The following COG4 variants were observed in gnomAD, a reference collection of about 807,000 sequenced individuals.
The protein encoded by COG4 is conserved oligomeric Golgi complex subunit 4.
Under a neutral mutation model 95.1 loss-of-function variants are expected in COG4, and 65 were observed. That is an observed-to-expected ratio of 0.68 (90% confidence interval 0.56 to 0.84). COG4 has a LOEUF of 0.84. COG4 is among the 40% of genes least tolerant of loss of function. COG4 has a pLI of 0.00. For synonymous variants in COG4, 421 were observed against 374.8 expected, an observed-to-expected ratio of 1.12 and a Z score of -1.42; for missense variants, 1,045 against 989.1, an observed-to-expected ratio of 1.06 and a Z score of -0.76.
In COG4 at chr16:70,482,453, G is replaced by A. The variant is rs2049018334; in HGVS notation, c.1920+276C>T. 15 of 607,038 alleles carry A rather than the reference G, an allele frequency of 2.5e-5. No individual in the cohort carries two copies. The South Asian group carries it at 3.0e-4, about 12-fold the overall frequency. The allele number at this position is 607,038 out of a possible 1,614,324, so 37.6% of individuals were successfully genotyped here. ...CTACAGGAATGAAATCACTACGCCA[G>A]GAGGAAAAAAACGCTTCTAAGTCTA... On this transcript the variant is annotated intron_variant, in intron 15 of 18. Coordinates refer to ENST00000323786, the MANE Select transcript of COG4 (RefSeq NM_015386.3).
intron 8 of COG4, among the ~76,000 whole-genome samples, chr16:70,504,083 C>T (rs992744040): frequency 6.6e-6 from 1 of 152,238 alleles, no homozygotes; most frequent in East Asian, 1.9e-4. Context: ...CCGCCATTTT[C>T]TAGCTGCATG....
At chr16:70,484,036 G>C (rs975976801) in intron 13 of COG4, 67 bp from the exon 14 acceptor site, 1 of 1,164,454 alleles carries the variant, frequency 8.6e-7, no homozygotes, top group Non-Finnish European at 1.3e-6. Context: ...GGAGCCACCA[G>C]CCAGTTCTAC....
chr16:70,484,599 T>A (rs2049089251), intron 13 of COG4, among the ~76,000 whole-genome samples: 1 of 152,242 alleles, frequency 6.6e-6, no homozygotes, highest in Non-Finnish European at 1.5e-5. Context: ...TCTAAGCATT[T>A]CACTTTTATT....
chr16:70,492,898 G>A (rs2049273413), intron 12 of COG4, among the ~76,000 whole-genome samples: 1 of 152,090 alleles, frequency 6.6e-6, no homozygotes, highest in Non-Finnish European at 1.5e-5. Context: ...ATGAGGCGGA[G>A]GTTGCAGTGA....
intron 3 of COG4, among the ~76,000 whole-genome samples, chr16:70,515,095 A>G (rs886167344): frequency 1.3e-5 from 2 of 150,194 alleles, no homozygotes; most frequent in South Asian, 2.1e-4. Flanking sequence ...GGCTCACTGC[A>G]ACCTCTGCCT....
intron 13 of COG4, among the ~76,000 whole-genome samples, chr16:70,487,217 A>C (rs1243914706): frequency 6.6e-6 from 1 of 151,670 alleles, no homozygotes; most frequent in African/African-American, 2.4e-5. Context: ...CAGAGGTTGC[A>C]GTGAGCCAAG....
chr16:70,486,184 C>T (rs1045637148), intron 13 of COG4, among the ~76,000 whole-genome samples: 8 of 152,246 alleles, frequency 5.3e-5, no homozygotes, highest in South Asian at 2.1e-4. Context: ...CGTGAGCCAC[C>T]GCGCCCAGCC....
At chr16:70,496,526 G>A in intron 11 of COG4, 95 bp from the exon 12 acceptor site, 1 of 1,299,300 alleles carries the variant, frequency 7.7e-7, no homozygotes, top group Non-Finnish European at 1.1e-6. Context: ...AGCAGCACAA[G>A]GTGCTCTTTT....
At chr16:70,488,579 C>G (rs1402420375) in intron 13 of COG4, among the ~76,000 whole-genome samples, 1 of 151,416 alleles carries the variant, frequency 6.6e-6, no homozygotes, top group Admixed American at 6.6e-5. Flanking sequence ...TGGAGTTTCG[C>G]TCTTGTTGCC....
In COG4 at chr16:70,510,001, C is replaced by T. The variant is rs760671753; in HGVS notation, c.759G>A (p.Glu253=). The change falls in exon 6 of 19, where the codon GAG becomes GAA. Residue 253 remains glutamate (E), a synonymous_variant. Transcript: ENST00000323786. ...CTGTCCCCAGCACCATGAGCAGATTCTCCTCAGCTTTACTGGCCACCTAAA... is the reference window on the plus strand; with the variant it reads ...CTGTCCCCAGCACCATGAGCAGATTTTCCTCAGCTTTACTGGCCACCTAAA... ...LCKQVASKAE[E]NLLMVLGTDM... is the part of the protein sequence containing the mutation. The T allele has an allele frequency of 1.9e-6, 3 of 1,614,066 alleles. No individual in the cohort carries two copies. Among genetic ancestry groups the T allele is most frequent in the Non-Finnish European group, 2.5e-6 (3 of 1,179,952 alleles).
intron 1 of COG4, among the ~76,000 whole-genome samples, chr16:70,520,401 G>A (rs1304647134): frequency 9.2e-6 from 1 of 109,202 alleles, no homozygotes; most frequent in African/African-American, 3.3e-5. Context: ...GGAGCTTGCA[G>A]TGAGCCGAGA....
chr16:70,510,008 G>A lies in COG4; in HGVS notation c.752C>T (p.Ala251Val). The A allele has an allele frequency of 6.2e-7, 1 of 1,613,766 alleles. No homozygotes were observed. The highest frequency in any genetic ancestry group is 8.5e-7 in the Non-Finnish European group (1 of 1,179,726). The part of the protein sequence containing the change: ...EYLCKQVASK[A>V]EENLLMVLGT... ...CAGCACCATGAGCAGATTCTCCTCA[G>A]CTTTACTGGCCACCTAAAAAAGGAG... The change falls in exon 6 of 19, where the codon GCT becomes GTT. Residue 251 changes from alanine (A) to valine (V), a missense_variant. Physicochemically the swap from Ala to Val is moderately conservative, Grantham distance 64. Transcript: ENST00000323786.
At chr16:70,482,431 C>A (rs145189345) in intron 15 of COG4, 2 of 613,746 alleles carry the variant, frequency 3.3e-6, no homozygotes, top group African/African-American at 1.8e-5. Context: ...TCTTGTTCTA[C>A]AGGAATGAAA....
At chr16:70,489,529 TAA>T (rs58900941) in intron 13 of COG4, among the ~76,000 whole-genome samples, 11 of 142,468 alleles carry the variant, frequency 7.7e-5, no homozygotes, top group East Asian at 6.0e-4. Flanking sequence ...GATCCTGATT[TAA>T]AAAAAAAAAA....
intron 8 of COG4, among the ~76,000 whole-genome samples, 197 bp downstream of exon 8, chr16:70,508,209 G>A (rs1012119692): frequency 2.6e-5 from 4 of 152,106 alleles, no homozygotes; most frequent in South Asian, 2.1e-4. Flanking sequence ...GTGAGCCACC[G>A]CGCCCGGCTG....
chr16:70,493,675 G>A (rs1037137366), intron 12 of COG4, among the ~76,000 whole-genome samples: 4 of 152,180 alleles, frequency 2.6e-5, no homozygotes, highest in African/African-American at 2.4e-5. Flanking sequence ...GTAGAGCTGC[G>A]AGGGGCAGAG....
intron 1 of COG4, 73 bp from the exon 2 acceptor site, chr16:70,519,804 T>G: frequency 9.2e-7 from 1 of 1,092,482 alleles, no homozygotes; most frequent in Admixed American, 1.8e-5. Context: ...TCCAATCACT[T>G]AGCTGAAGGG....
chr16:70,501,168 C>A, intron 8 of COG4, 77 bp from the exon 9 acceptor site: 1 of 1,518,996 alleles, frequency 6.6e-7, no homozygotes, highest in East Asian at 2.2e-5. Flanking sequence ...AAAGAGAGTC[C>A]CAAATTCCCC....
At chr16:70,515,707 T>TC (rs201349619) in intron 3 of COG4, among the ~76,000 whole-genome samples, 17,953 of 151,674 alleles carry the variant, frequency 0.12, 3,514 homozygotes, top group African/African-American at 0.41. Context: ...AATCAATCAA[T>TC]AAATAAATAA....
Sources: allele counts gnomAD v4.1 joint callset (sites outside exome capture counted in the v4.1 genomes callset), GRCh38; gene constraint gnomAD v4.1.1; transcripts MANE v1.5; gene names NCBI Gene and HGNC (gene_info 2026-07-23, HGNC 2026-07-21).